CARD16: variants seen among roughly 807,000 people sequenced by gnomAD.
The protein encoded by CARD16 is caspase recruitment domain-containing protein 16.
Under a neutral mutation model 11.9 loss-of-function variants are expected in CARD16, and 8 were observed. The observed-to-expected ratio is 0.67, with a 90% CI of 0.39 to 1.21. The LOEUF is 1.21. CARD16 is among the 50% of genes most tolerant of loss of function. The pLI is 0.01. For missense variants in CARD16, 131 were observed against 118.1 expected, an observed-to-expected ratio of 1.11 and a Z score of -0.51; for synonymous variants, 44 against 43.8, an observed-to-expected ratio of 1.00 and a Z score of -0.02.
intron 3 of CARD16, among the ~76,000 whole-genome samples, chr11:105,042,530 T>G (rs893118146): frequency 5.3e-5 from 8 of 152,150 alleles, no homozygotes; most frequent in Non-Finnish European, 2.9e-5. Flanking sequence ...TTAGAAACTA[T>G]TAAGGCAAAA....
intron 3 of CARD16, among the ~76,000 whole-genome samples, chr11:105,042,969 T>C (rs947394800): frequency 4.6e-5 from 7 of 152,244 alleles, no homozygotes; most frequent in Non-Finnish European, 7.4e-5. Flanking sequence ...AATAAAATAA[T>C]AGAAGTAAGA....
rs1035087958 is a variant in CARD16, at chr11:105,044,733, C to A, written c.8-75G>T. On this transcript the variant is annotated intron_variant, in intron 1 of 3. Coordinates refer to ENST00000673097, the MANE Select transcript of CARD16 (RefSeq NM_052889.4). ...CTCTCACGTCATCAACAGAAAGTGACCTCATTTAGATTTCATCAGTGAAAT... is the reference window on the plus strand; with the variant it reads ...CTCTCACGTCATCAACAGAAAGTGAACTCATTTAGATTTCATCAGTGAAAT... 5.1e-6 allele frequency: 8 copies of A among 1,570,202 alleles called. No homozygotes were observed. In the East Asian group the frequency reaches 6.7e-5, roughly 13 times the overall value.
chr11:105,043,463 T>C lies in CARD16; in HGVS notation c.*43+20A>G. 3 of 1,569,480 alleles carry C rather than the reference T, an allele frequency of 1.9e-6. No homozygotes were observed. In the South Asian group the frequency reaches 3.4e-5, roughly 18 times the overall value. On this transcript the variant is annotated intron_variant, in intron 3 of 3. Coordinates refer to ENST00000673097, the MANE Select transcript of CARD16 (RefSeq NM_052889.4). ...GAAGATGGGGTTCAAAGAATGCTCT[T>C]CATTGAAAAACAACATTACCTGGGA...
intron 3 of CARD16, 73 bp from the exon 4 acceptor site, chr11:105,041,792 T>C (rs1299142631): frequency 7.1e-7 from 1 of 1,402,862 alleles, no homozygotes; most frequent in African/African-American, 1.4e-5. Context: ...TGGAGGAAGC[T>C]ACAAAAGAGG....
intron 2 of CARD16, 119 bp from the exon 3 acceptor site, chr11:105,043,664 A>G (rs1864147677): frequency 2.7e-6 from 2 of 733,348 alleles, no homozygotes; most frequent in Non-Finnish European, 4.8e-6. Flanking sequence ...ATGACAATAA[A>G]TAATGTTCAA....
intron 3 of CARD16, among the ~76,000 whole-genome samples, chr11:105,042,592 T>C (rs1029604019): frequency 2.6e-5 from 4 of 152,194 alleles, no homozygotes; most frequent in Non-Finnish European, 1.5e-5. Flanking sequence ...TACAATCAGA[T>C]AAACAAAGGC....
chr11:105,044,060 C>T (rs1467202365), intron 2 of CARD16: 2 of 417,390 alleles, frequency 4.8e-6, no homozygotes, highest in Non-Finnish European at 8.7e-6. Context: ...ACACCCTGGA[C>T]ACAAAATAAT....
chr11:105,041,593 T>C lies in CARD16; in HGVS notation c.*170A>G. On this transcript the variant is annotated 3_prime_UTR_variant, in exon 4 of 4. Transcript: ENST00000673097. ...TTCACTCCACTTTATTATTGTATTC[T>C]GAACATGGCACCTCTGCAACTTTTG... 1 of 1,614,116 alleles carries C rather than the reference T, an allele frequency of 6.2e-7. No individual in the cohort carries two copies. The highest frequency in any genetic ancestry group is 1.1e-5 in the South Asian group (1 of 91,088).
At chr11:105,045,253 T>C (rs759025095) in intron 1 of CARD16, 38 bp downstream of exon 1, 2 of 1,613,754 alleles carry the variant, frequency 1.2e-6, no homozygotes, top group Non-Finnish European at 1.7e-6. Flanking sequence ...CAACTCTTTC[T>C]TCCCAGGGAC....
In CARD16 at chr11:105,041,729, A is replaced by G; in HGVS notation, c.*44-10T>C. ...TGCACTGCCTGAAGAGCTGCAAGAG[A>G]CAAGGAATATCATGAACAGTGGTAT... On this transcript the variant is annotated splice_polypyrimidine_tract_variant and intron_variant, in intron 3 of 3. Coordinates refer to ENST00000673097, the MANE Select transcript of CARD16 (RefSeq NM_052889.4). The G allele has an allele frequency of 6.2e-7, 1 of 1,613,206 alleles. No homozygotes were observed. The highest frequency in any genetic ancestry group is 1.1e-5 in the South Asian group (1 of 91,062).
At chr11:105,045,045 A>G in intron 1 of CARD16, 1 of 625,328 alleles carries the variant, frequency 1.6e-6, no homozygotes, top group African/African-American at 1.8e-5. Context: ...CAGGTAAGCA[A>G]GGGTTTAATT....
At chr11:105,044,215 G>A in intron 2 of CARD16, 177 bp downstream of exon 2, 1 of 977,114 alleles carries the variant, frequency 1.0e-6, no homozygotes, top group Non-Finnish European at 1.5e-6. Context: ...GGGCACTGAG[G>A]ATGAAGGAAC....
chr11:105,043,378 T>A (rs933301690), intron 3 of CARD16, 105 bp downstream of exon 3: 8 of 751,036 alleles, frequency 1.1e-5, no homozygotes, highest in Admixed American at 2.5e-5. Context: ...ATATGATCAG[T>A]CTATGGGAAT....
intron 2 of CARD16, 76 bp downstream of exon 2, chr11:105,044,316 T>A (rs1228610841): frequency 1.2e-6 from 2 of 1,602,796 alleles, no homozygotes; most frequent in Admixed American, 1.7e-5. Flanking sequence ...CAGATTAACA[T>A]GACTAGTAAA....
At position 105,044,564 on chromosome 11, in the gene CARD16, C is replaced by A; in HGVS notation, c.102G>T (p.Val34=). ...CTTTCTCCATCTCTTCCTGGTTCAG[C>A]ACCCTTGTCTGTAATAATTCATCCA... ...GLLDELLQTR[V]LNQEEMEKVK... is the part of the protein sequence containing the mutation. The change falls in exon 2 of 4, where the codon GTG becomes GTT. Residue 34 remains valine (V), a synonymous_variant. Transcript: ENST00000673097. 5.6e-6 allele frequency: 9 copies of A among 1,614,146 alleles called. No homozygotes were observed. Among genetic ancestry groups the A allele is most frequent in the South Asian group, 1.1e-5 (1 of 91,082 alleles).
In CARD16 at chr11:105,041,610, C is replaced by CA; in HGVS notation, c.*152dup. Reference sequence around the variant, plus strand: ...TTGTATTCTGAACATGGCACCTCTGCAACTTTTGTTTCCATATCCTTTGAG... The same window carrying CA: ...TTGTATTCTGAACATGGCACCTCTGCAAACTTTTGTTTCCATATCCTTTGAG... On this transcript the variant is annotated 3_prime_UTR_variant, in exon 4 of 4. Coordinates refer to ENST00000673097, the MANE Select transcript of CARD16 (RefSeq NM_052889.4). The CA allele has an allele frequency of 6.2e-7, 1 of 1,614,068 alleles. No individual in the cohort carries two copies. Among genetic ancestry groups the CA allele is most frequent in the Non-Finnish European group, 8.5e-7 (1 of 1,179,958 alleles).
At chr11:105,044,142 T>G in intron 2 of CARD16, 1 of 597,456 alleles carries the variant, frequency 1.7e-6, no homozygotes, top group Non-Finnish European at 2.9e-6. Context: ...TAGATAGTTC[T>G]CATGACCTTA....
chr11:105,043,698 C>A (rs1170763204), intron 2 of CARD16, among the ~76,000 whole-genome samples, 153 bp from the exon 3 acceptor site: 1 of 152,134 alleles, frequency 6.6e-6, no homozygotes, highest in Non-Finnish European at 1.5e-5. Context: ...CCCATCCTCA[C>A]CATGCTGTAG....
chr11:105,043,776 A>T (rs1046967666), intron 2 of CARD16: 6 of 435,282 alleles, frequency 1.4e-5, no homozygotes, highest in African/African-American at 2.1e-5. Context: ...GGAGGGCTGC[A>T]GATGATGGAA....
Sources: allele counts gnomAD v4.1 joint callset (sites outside exome capture counted in the v4.1 genomes callset), GRCh38; gene constraint gnomAD v4.1.1; transcripts MANE v1.5; gene names NCBI Gene and HGNC (gene_info 2026-07-23, HGNC 2026-07-21).